LYPLAL1: variants seen among roughly 807,000 people sequenced by gnomAD.
LYPLAL1 encodes lysophospholipase-like protein 1.
A neutral mutation model predicts 19.7 loss-of-function variants in LYPLAL1; 23 were observed. That is an observed-to-expected ratio of 1.17 (90% confidence interval 0.84 to 1.65). The LOEUF (loss-of-function observed/expected upper bound fraction) is 1.65, where lower values mean the gene tolerates loss of function less well. LYPLAL1 is among the 40% of genes most tolerant of loss of function. The probability of loss-of-function intolerance (pLI) is 0.00; values close to 1 mark genes in which losing one functional copy is unlikely to be tolerated. For synonymous variants in LYPLAL1, 119 were observed against 96.3 expected (o/e 1.24, Z -1.38); for missense variants, 355 against 279.4 (o/e 1.27, Z -1.93).
the LYPLAL1 span, among the ~76,000 whole-genome samples, chr1:219,372,442 C>T: frequency 3.3e-5 from 5 of 152,028 alleles, no homozygotes; most frequent in Non-Finnish European, 7.4e-5. Flanking sequence ...ATTGAGATCT[C>T]GGCAAAAAAC....
chr1:219,406,605 A>G, the LYPLAL1 span, among the ~76,000 whole-genome samples: 1 of 152,236 alleles, frequency 6.6e-6, no homozygotes, highest in Non-Finnish European at 1.5e-5. Context: ...TTAGATTCAC[A>G]AGATGTGAAG....
At chr1:219,323,653 A>G in the LYPLAL1 span, among the ~76,000 whole-genome samples, 2 of 152,198 alleles carry the variant, frequency 1.3e-5, no homozygotes, top group African/African-American at 4.8e-5. Flanking sequence ...TGTGGTTTCC[A>G]TAGAGCTGGC....
rs1659093882 is a variant in LYPLAL1, at chr1:219,212,184, G to A, written c.*456G>A. 1 of 152,492 alleles carries A rather than the reference G, an allele frequency of 6.6e-6. No homozygotes were observed. Among genetic ancestry groups the A allele is most frequent in the Non-Finnish European group, 1.5e-5 (1 of 68,370 alleles). The allele number at this position is 152,492 out of a possible 1,614,324, so 9.4% of individuals were successfully genotyped here. A position where few individuals can be genotyped will look rare whatever the true frequency, so the allele number is the denominator to read the frequency against. ...ACATTATTTCATTTGATCATCACAA[G>A]AGCTTTGTGAAGTAAGCCGAGAAGT... On this transcript the variant is annotated 3_prime_UTR_variant, in exon 5 of 5. Coordinates refer to ENST00000366928, the MANE Select transcript of LYPLAL1 (RefSeq NM_138794.5).
At chr1:219,309,865 G>C in the LYPLAL1 span, among the ~76,000 whole-genome samples, 1 of 152,182 alleles carries the variant, frequency 6.6e-6, no homozygotes, top group Non-Finnish European at 1.5e-5. Context: ...TTAGAACCCA[G>C]TTACTACCAT....
chr1:219,197,643 A>G (rs1657710628), intron 3 of LYPLAL1, among the ~76,000 whole-genome samples: 1 of 152,296 alleles, frequency 6.6e-6, no homozygotes, highest in South Asian at 2.1e-4. Flanking sequence ...CTAATAAACT[A>G]AAGCACTTCT....
At chr1:219,204,563 C>T (rs534116390) in intron 3 of LYPLAL1, among the ~76,000 whole-genome samples, 2 of 152,272 alleles carry the variant, frequency 1.3e-5, no homozygotes, top group South Asian at 2.1e-4. Context: ...AATTAATTGG[C>T]ATCTATATTG....
chr1:219,302,401 A>G, the LYPLAL1 span, among the ~76,000 whole-genome samples: 2 of 151,996 alleles, frequency 1.3e-5, no homozygotes, highest in South Asian at 2.1e-4. Flanking sequence ...TTTCAGCCTT[A>G]TTTTTCACTA....
chr1:219,348,166 G>A, the LYPLAL1 span, among the ~76,000 whole-genome samples: 1 of 152,194 alleles, frequency 6.6e-6, no homozygotes, highest in African/African-American at 2.4e-5. Context: ...CTCAGGTTGT[G>A]TGTATTGCCC....
At chr1:219,219,847 G>C in the LYPLAL1 span, among the ~76,000 whole-genome samples, 2 of 152,108 alleles carry the variant, frequency 1.3e-5, no homozygotes, top group Non-Finnish European at 2.9e-5. Context: ...TGATAAACTA[G>C]TGAGTCCTCT....
chr1:219,379,417 CT>C, the LYPLAL1 span, among the ~76,000 whole-genome samples: 4 of 152,218 alleles, frequency 2.6e-5, no homozygotes, highest in Non-Finnish European at 4.4e-5. Context: ...TCTTCACTTG[CT>C]TAAGTTATTC....
the LYPLAL1 span, among the ~76,000 whole-genome samples, chr1:219,386,491 C>CT: frequency 6.6e-6 from 1 of 152,128 alleles, no homozygotes; most frequent in Non-Finnish European, 1.5e-5. Context: ...CAGTGGCTCT[C>CT]TTCTCTTTCC....
rs747025177 is a variant in LYPLAL1 at position 219,211,500 on chromosome 1, G to T, written c.486G>T (p.Gln162His). ...NKASAVYQAL[Q>H]KSNGVLPELF... ...TGTATCTTCTTCTCTAGGCTCTTCA[G>T]AAGAGTAATGGTGTACTTCCTGAAT... The change falls in exon 5 of 5, where the codon CAG becomes CAT. Residue 162 changes from glutamine to histidine, a missense_variant. Transcript: ENST00000366928. The T allele has an allele frequency of 1.9e-6, 3 of 1,594,446 alleles. No individual in the cohort carries two copies. The African/African-American group carries it at 4.0e-5, about 21-fold the overall frequency.
At chr1:219,281,769 C>T in the LYPLAL1 span, among the ~76,000 whole-genome samples, 3 of 152,192 alleles carry the variant, frequency 2.0e-5, no homozygotes, top group South Asian at 2.1e-4. Flanking sequence ...CCACACCCAC[C>T]GTCATGCTCC....
At chr1:219,218,764 G>T in the LYPLAL1 span, among the ~76,000 whole-genome samples, 126 of 152,178 alleles carry the variant, frequency 8.3e-4, no homozygotes, top group Non-Finnish European at 1.4e-3. Context: ...GTTCAATTCT[G>T]CCATTTAGCT....
chr1:219,269,365 A>G, the LYPLAL1 span, among the ~76,000 whole-genome samples: 1 of 152,252 alleles, frequency 6.6e-6, no homozygotes, highest in Non-Finnish European at 1.5e-5. Context: ...CCAAAAGGAA[A>G]AACTTTTAAC....
rs1006035054 is a variant in LYPLAL1, at chr1:219,211,899, T to C, written c.*171T>C. The C allele has an allele frequency of 2.0e-5, 9 of 450,348 alleles. No homozygotes were observed. The highest frequency in any genetic ancestry group is 3.5e-5 in the Non-Finnish European group (9 of 256,848). 27.9% of individuals were successfully genotyped at this position (450,348 alleles called of 1,614,324 possible). On this transcript the variant is annotated 3_prime_UTR_variant, in exon 5 of 5. Coordinates refer to ENST00000366928, the MANE Select transcript of LYPLAL1 (RefSeq NM_138794.5). ...AGCTAATCTTATTAATGAAAAACAATAGACAAACATCTGTGCATAATTTTT... is the reference window on the plus strand; with the variant it reads ...AGCTAATCTTATTAATGAAAAACAACAGACAAACATCTGTGCATAATTTTT...
At chr1:219,186,560 A>G (rs190275601) in intron 2 of LYPLAL1, among the ~76,000 whole-genome samples, 1 of 151,542 alleles carries the variant, frequency 6.6e-6, no homozygotes, top group African/African-American at 2.4e-5. Context: ...TATCTATAAA[A>G]TGTTCCTTTT....
At chr1:219,199,363 A>G (rs373552676) in intron 3 of LYPLAL1, among the ~76,000 whole-genome samples, 3 of 152,176 alleles carry the variant, frequency 2.0e-5, no homozygotes, top group African/African-American at 4.8e-5. Flanking sequence ...AAAAAATTTT[A>G]TAACACTTCT....
the LYPLAL1 span, among the ~76,000 whole-genome samples, chr1:219,425,383 A>G: frequency 3.9e-5 from 6 of 152,206 alleles, no homozygotes; most frequent in Admixed American, 2.6e-4. Context: ...TTCACAGCTA[A>G]TTAGTGGCAG....
Sources: gnomAD v4.1 joint callset for allele counts (sites outside exome capture counted in the v4.1 genomes callset) on GRCh38, gnomAD v4.1.1 for gene constraint, MANE v1.5 for transcripts, NCBI Gene and HGNC (gene_info 2026-07-23, HGNC 2026-07-21) for gene names.